LRRC7: variants seen among roughly 807,000 people sequenced by gnomAD.
LRRC7 encodes the protein leucine rich repeat containing 7, also known as leucine-rich repeat-containing protein 7.
In LRRC7, 23 loss-of-function variants were observed where a neutral mutation model predicts 175.7. The ratio of observed to expected loss-of-function variants is 0.13; its 90% CI spans 0.09 to 0.19. LRRC7 has a LOEUF of 0.19. Among genes scored for constraint, LRRC7 ranks in the 10% least tolerant of loss-of-function variants. LRRC7 has a pLI of 1.00. For missense variants in LRRC7, 1,354 were observed against 1,904.7 expected (o/e 0.71, Z 5.38); for synonymous variants, 685 against 680.9 (o/e 1.01, Z -0.09).
At chr1:69,677,683 T>C (rs763423230) in intron 1 of LRRC7, among the ~76,000 whole-genome samples, 1 of 152,188 alleles carries the variant, frequency 6.6e-6, no homozygotes, top group Non-Finnish European at 1.5e-5. Context: ...TTTTTCTTTC[T>C]GAATGATGAC....
At chr1:70,118,795 G>GA (rs1666029178) in intron 26 of LRRC7, among the ~76,000 whole-genome samples, 1 of 152,166 alleles carries the variant, frequency 6.6e-6, no homozygotes, top group South Asian at 2.1e-4. Context: ...GAACAATGGG[G>GA]GGTGGGAAGG....
chr1:69,882,304 G>A (rs1008662581), intron 7 of LRRC7, among the ~76,000 whole-genome samples: 3 of 152,044 alleles, frequency 2.0e-5, no homozygotes, highest in Non-Finnish European at 2.9e-5. Flanking sequence ...AAAACGGTAC[G>A]AAGATTCCTT....
chr1:69,687,848 C>G (rs932460438), intron 2 of LRRC7, among the ~76,000 whole-genome samples: 5 of 152,116 alleles, frequency 3.3e-5, no homozygotes, highest in Non-Finnish European at 7.4e-5. Flanking sequence ...TGGTAAAAAT[C>G]ATTTTGATTA....
rs1428101219 is a variant in LRRC7 at position 70,031,569 on chromosome 1, G to A, written c.1995+3198G>A. On this transcript the variant is annotated intron_variant, in intron 18 of 26. Coordinates refer to ENST00000651989, the MANE Select transcript of LRRC7 (RefSeq NM_001370785.2). ...TTTGTGGTCATTTGAAAAAATCAAT[G>A]CACATAAGTTGAAAGAGAAAATAAT... Among the ~76,000 whole-genome samples the A allele has an allele frequency of 2.6e-5, 4 of 152,152 alleles. No homozygotes were observed. In the East Asian group the frequency reaches 7.7e-4, roughly 29 times the overall value.
At chr1:69,910,537 C>A (rs963394300) in intron 7 of LRRC7, among the ~76,000 whole-genome samples, 1 of 152,158 alleles carries the variant, frequency 6.6e-6, no homozygotes, top group Non-Finnish European at 1.5e-5. Context: ...ACCACAAATT[C>A]TGCTGCCTGA....
intron 1 of LRRC7, among the ~76,000 whole-genome samples, chr1:69,590,395 T>C (rs1018878624): frequency 6.6e-6 from 1 of 152,178 alleles, no homozygotes; most frequent in Admixed American, 6.5e-5. Flanking sequence ...CTTACTTTCA[T>C]GGTGTTATGT....
chr1:69,701,447 C>T (rs1663342109), intron 2 of LRRC7, among the ~76,000 whole-genome samples: 1 of 152,182 alleles, frequency 6.6e-6, no homozygotes, highest in African/African-American at 2.4e-5. Flanking sequence ...TCAATACATA[C>T]TTGCTCATTG....
chr1:69,852,836 T>C (rs1683137517), intron 7 of LRRC7, among the ~76,000 whole-genome samples: 2 of 152,256 alleles, frequency 1.3e-5, no homozygotes, highest in South Asian at 4.1e-4. Context: ...AAAATGAAAA[T>C]GTGTTCTAAA....
chr1:69,695,791 G>A (rs1662508281), intron 2 of LRRC7, among the ~76,000 whole-genome samples: 1 of 152,164 alleles, frequency 6.6e-6, no homozygotes, highest in South Asian at 2.1e-4. Context: ...ACTTCAGAAG[G>A]CACCAACCCT....
Position 70,038,809 on chromosome 1 carries a change from A to G in LRRC7, c.2985A>G (p.Thr995=). The change falls in exon 21 of 27, where the codon ACA becomes ACG. Residue 995 remains threonine, a synonymous_variant. Transcript: ENST00000651989. ...GTATCGATGAGATTGACATTGGTACATATAAGGTGTATAACATACCATTAG... is the reference window on the plus strand; with the variant it reads ...GTATCGATGAGATTGACATTGGTACGTATAAGGTGTATAACATACCATTAG... ...SQSIDEIDIG[T]YKVYNIPLEN... is the part of the protein sequence containing the mutation. The G allele has an allele frequency of 6.2e-7, 1 of 1,614,150 alleles. No homozygotes were observed. The highest frequency in any genetic ancestry group is 1.1e-5 in the South Asian group (1 of 91,084).
intron 1 of LRRC7, among the ~76,000 whole-genome samples, chr1:69,672,812 C>T (rs1659266669): frequency 1.3e-5 from 2 of 152,120 alleles, no homozygotes; most frequent in South Asian, 4.1e-4. Flanking sequence ...CTGAGTCAGC[C>T]AAACCTTGTT....
At chr1:69,872,204 G>A (rs1685621520) in intron 7 of LRRC7, among the ~76,000 whole-genome samples, 1 of 151,918 alleles carries the variant, frequency 6.6e-6, no homozygotes, top group Admixed American at 6.6e-5. Context: ...TAAAGTTGTA[G>A]CATTTAATTA....
intron 1 of LRRC7, among the ~76,000 whole-genome samples, chr1:69,612,992 C>T (rs1322958699): frequency 2.0e-5 from 3 of 152,034 alleles, no homozygotes; most frequent in Admixed American, 6.6e-5. Flanking sequence ...TTTTTTCTCA[C>T]TCCTTCACTT....
At position 70,017,625 on chromosome 1, in the gene LRRC7, G is replaced by T. The variant is rs181623806; in HGVS notation, c.1320+1091G>T. Among the ~76,000 whole-genome samples the T allele has an allele frequency of 1.8e-4, 27 of 152,204 alleles. No individual in the cohort carries two copies. The East Asian group carries it at 5.2e-3, about 29-fold the overall frequency. On this transcript the variant is annotated intron_variant, in intron 14 of 26. Coordinates refer to ENST00000651989, the MANE Select transcript of LRRC7 (RefSeq NM_001370785.2). The stretch of plus-strand genomic sequence containing the variant: ...CATAAAAGTAGCATTACTGGTACGT[G>T]AATTGTTCATATTTACAGTCATTGG...
chr1:70,128,146 G>A lies in LRRC7; in HGVS notation c.*6259G>A, dbSNP rs1408249914. 6.6e-6 allele frequency among the ~76,000 whole-genome samples: 1 copy of A among 152,080 alleles called. No individual in the cohort carries two copies. The highest frequency in any genetic ancestry group is 6.5e-5 in the Admixed American group (1 of 15,270). On this transcript the variant is annotated 3_prime_UTR_variant, in exon 27 of 27. Transcript: ENST00000651989. ...TGGGCTAATTTTTGTATTTTTAGTA[G>A]GGACAGGGTTTCACCGTGTTGGCCA...
rs1666526652 is a variant in LRRC7 at position 70,128,232 on chromosome 1, G to A, written c.*6345G>A. Among the ~76,000 whole-genome samples, 1 of 152,240 alleles carries A rather than the reference G, an allele frequency of 6.6e-6. No individual in the cohort carries two copies. Among genetic ancestry groups the A allele is most frequent in the Non-Finnish European group, 1.5e-5 (1 of 68,046 alleles). The stretch of plus-strand genomic sequence containing the variant: ...CTGCCTCGACCTCCCAAAGTGCTGG[G>A]ATTACAGGCGTGAGCCACTGTGCCC... On this transcript the variant is annotated 3_prime_UTR_variant, in exon 27 of 27. Coordinates refer to ENST00000651989, the MANE Select transcript of LRRC7 (RefSeq NM_001370785.2).
intron 1 of LRRC7, among the ~76,000 whole-genome samples, chr1:69,578,858 G>A (rs1646074543): frequency 6.7e-6 from 1 of 149,964 alleles, no homozygotes; most frequent in Admixed American, 6.7e-5. Context: ...CGAGTTAATG[G>A]GTGCAGCACA....
intron 25 of LRRC7, among the ~76,000 whole-genome samples, chr1:70,095,915 G>A (rs1039607945): frequency 2.6e-5 from 4 of 152,036 alleles, no homozygotes; most frequent in African/African-American, 9.7e-5. Flanking sequence ...AGTAATAGTA[G>A]TTTAGGATTA....
chr1:69,878,188 A>C (rs543572833), intron 7 of LRRC7, among the ~76,000 whole-genome samples: 1 of 152,006 alleles, frequency 6.6e-6, no homozygotes, highest in African/African-American at 2.4e-5. Context: ...GTTTGTCGTT[A>C]CTACTAGATT....
Sources: allele counts gnomAD v4.1 joint callset (sites outside exome capture counted in the v4.1 genomes callset), GRCh38; gene constraint gnomAD v4.1.1; transcripts MANE v1.5; gene names NCBI Gene and HGNC (gene_info 2026-07-23, HGNC 2026-07-21).